DCDC1: variants seen among roughly 807,000 people sequenced by gnomAD.
The protein encoded by DCDC1 is doublecortin domain-containing protein 1.
Under a neutral mutation model 178.3 loss-of-function variants are expected in DCDC1, and 200 were observed. The ratio of observed to expected loss-of-function variants is 1.12; its 90% CI spans 1.00 to 1.26. DCDC1 has a LOEUF of 1.26. Ranked by LOEUF, DCDC1 falls within the 50% of genes most tolerant of loss-of-function variation. The probability of loss-of-function intolerance (pLI) is 0.00; values close to 1 mark genes in which losing one functional copy is unlikely to be tolerated. For synonymous variants in DCDC1, 690 were observed against 604.8 expected (o/e 1.14, Z -2.07); for missense variants, 1,983 against 1,749.2 (o/e 1.13, Z -2.38).
Position 31,031,715 on chromosome 11 carries a change from T to C in DCDC1, c.2591+32754A>G, listed in dbSNP as rs983511253. Among the ~76,000 whole-genome samples, 7 of 152,126 alleles carry C rather than the reference T, an allele frequency of 4.6e-5. No homozygotes were observed. The East Asian group carries it at 1.3e-3, about 29-fold the overall frequency. On this transcript the variant is annotated intron_variant, in intron 20 of 38. Coordinates refer to ENST00000684477, the MANE Select transcript of DCDC1 (RefSeq NM_001387274.1). Reference sequence around the variant, plus strand: ...CAGCAATATTGTGAAAATAATTTAATCATCACATTATTAGGTTCTTATGAA... The same window carrying C: ...CAGCAATATTGTGAAAATAATTTAACCATCACATTATTAGGTTCTTATGAA...
chr11:31,154,200 C>T (rs957141283), intron 9 of DCDC1, among the ~76,000 whole-genome samples: 1 of 152,184 alleles, frequency 6.6e-6, no homozygotes, highest in Non-Finnish European at 1.5e-5. Flanking sequence ...CCTCCCTGGC[C>T]ATGCTTCTTC....
At chr11:31,229,007 A>T (rs1486268037) in intron 9 of DCDC1, among the ~76,000 whole-genome samples, 1 of 152,094 alleles carries the variant, frequency 6.6e-6, no homozygotes, top group African/African-American at 2.4e-5. Context: ...TAGCCATATA[A>T]CAGACCTGTA....
chr11:30,919,165 C>T (rs1946064983), intron 25 of DCDC1, among the ~76,000 whole-genome samples: 1 of 151,936 alleles, frequency 6.6e-6, no homozygotes, highest in Non-Finnish European at 1.5e-5. Context: ...AAATAGATAA[C>T]CCTGTATATT....
At chr11:30,898,080 G>C (rs192915798) in intron 34 of DCDC1, among the ~76,000 whole-genome samples, 8 of 152,048 alleles carry the variant, frequency 5.3e-5, no homozygotes, top group Admixed American at 5.2e-4. Context: ...GGTATGTCTG[G>C]GGAGCTAAAA....
intron 20 of DCDC1, among the ~76,000 whole-genome samples, chr11:31,039,999 G>T (rs1417281703): frequency 6.6e-6 from 1 of 151,908 alleles, no homozygotes; most frequent in African/African-American, 2.4e-5. Context: ...CTCTTAAAAA[G>T]AAAAATTTAA....
rs1449041463 is a variant in DCDC1 at position 31,036,715 on chromosome 11, A to G, written c.2591+27754T>C. Among the ~76,000 whole-genome samples, 4 of 152,246 alleles carry G rather than the reference A, an allele frequency of 2.6e-5. No individual in the cohort carries two copies. In the East Asian group the frequency reaches 7.7e-4, roughly 29 times the overall value. On this transcript the variant is annotated intron_variant, in intron 20 of 38. Coordinates refer to ENST00000684477, the MANE Select transcript of DCDC1 (RefSeq NM_001387274.1). ...TTTTATATACAAAATAGTCCTAACTACATTTTGAATCAGAGGTTGGTTAAA... is the reference window on the plus strand; with the variant it reads ...TTTTATATACAAAATAGTCCTAACTGCATTTTGAATCAGAGGTTGGTTAAA...
rs1298468072 is a variant in DCDC1, at chr11:30,936,089, T to TC, written c.2716-4138dup. 2.6e-5 allele frequency among the ~76,000 whole-genome samples: 4 copies of TC among 152,198 alleles called. No individual in the cohort carries two copies. The East Asian group carries it at 5.8e-4, about 22-fold the overall frequency. On this transcript the variant is annotated intron_variant, in intron 21 of 38. Coordinates refer to ENST00000684477, the MANE Select transcript of DCDC1 (RefSeq NM_001387274.1). ...TTTCCAAGTCTTAATCAGCACCAAG[T>TC]CACCAGGCTGGAAGTGGTGAACCAT...
chr11:30,879,003 A>G (rs1353612140), intron 37 of DCDC1, among the ~76,000 whole-genome samples: 2 of 152,144 alleles, frequency 1.3e-5, no homozygotes, highest in African/African-American at 4.8e-5. Flanking sequence ...AAAGACAGAA[A>G]GCAGCAGTGA....
intron 20 of DCDC1, among the ~76,000 whole-genome samples, chr11:31,039,992 T>C (rs940575889): frequency 3.3e-5 from 5 of 152,068 alleles, no homozygotes; most frequent in African/African-American, 7.2e-5. Context: ...CAATAAACTC[T>C]TAAAAAGAAA....
intron 8 of DCDC1, among the ~76,000 whole-genome samples, chr11:31,254,697 T>C (rs903809277): frequency 1.3e-5 from 2 of 152,150 alleles, no homozygotes; most frequent in African/African-American, 4.8e-5. Context: ...TGTCTTGGAA[T>C]CAGCTGGCTG....
chr11:31,165,729 AT>A (rs1966727051), intron 9 of DCDC1, among the ~76,000 whole-genome samples: 2 of 152,204 alleles, frequency 1.3e-5, no homozygotes, highest in Non-Finnish European at 2.9e-5. Context: ...TATTAAGGGC[AT>A]TATCCCCTTG....
At chr11:30,922,471 A>T in intron 24 of DCDC1, 32 bp downstream of exon 24, 5 of 1,468,972 alleles carry the variant, frequency 3.4e-6, no homozygotes, top group Non-Finnish European at 4.5e-6. Context: ...ATTTTGGCTG[A>T]ATATATTAAG....
chr11:30,980,885 T>C (rs144099888), intron 20 of DCDC1, among the ~76,000 whole-genome samples: 5 of 152,276 alleles, frequency 3.3e-5, no homozygotes, highest in African/African-American at 1.2e-4. Flanking sequence ...GAAATCACTA[T>C]ATCAAAAAGA....
chr11:31,204,477 A>G (rs1471403180), intron 9 of DCDC1, among the ~76,000 whole-genome samples: 3 of 152,232 alleles, frequency 2.0e-5, no homozygotes, highest in African/African-American at 2.4e-5. Flanking sequence ...GGGAATTCCA[A>G]TATCACAATA....
intron 1 of DCDC1, among the ~76,000 whole-genome samples, chr11:31,360,713 T>C (rs10488734): frequency 0.29 from 43,708 of 151,992 alleles, 6,407 homozygotes; most frequent in African/African-American, 0.33. Flanking sequence ...TAGTGGTATG[T>C]TAGAAGTGGA....
intron 9 of DCDC1, among the ~76,000 whole-genome samples, chr11:31,192,438 A>G (rs551416908): frequency 6.6e-6 from 1 of 152,134 alleles, no homozygotes; most frequent in Non-Finnish European, 1.5e-5. Context: ...GTCAGTATTT[A>G]GAAGTCCCCA....
intron 2 of DCDC1, among the ~76,000 whole-genome samples, chr11:31,330,933 G>A (rs896434089): frequency 1.3e-5 from 2 of 152,192 alleles, no homozygotes; most frequent in African/African-American, 4.8e-5. Context: ...ATTCTGTGAA[G>A]TCATTGGTAG....
At chr11:31,138,134 T>A (rs1285489678) in intron 9 of DCDC1, among the ~76,000 whole-genome samples, 5 of 152,212 alleles carry the variant, frequency 3.3e-5, no homozygotes, top group Non-Finnish European at 7.3e-5. Flanking sequence ...ATTAAATCCT[T>A]TCATTATGCA....
chr11:31,220,364 AACAAAAATTACTTTTTGAATTTCC>A (rs1322966156), intron 9 of DCDC1, among the ~76,000 whole-genome samples: 1 of 152,204 alleles, frequency 6.6e-6, no homozygotes, highest in Admixed American at 6.6e-5. Flanking sequence ...CACCAAATTT[AACAAAAATTACTTTTTGAATTTCC>A]AAAAATTTAA....
Sources: gnomAD v4.1 joint callset for allele counts (sites outside exome capture counted in the v4.1 genomes callset) on GRCh38, gnomAD v4.1.1 for gene constraint, MANE v1.5 for transcripts, NCBI Gene and HGNC (gene_info 2026-07-23, HGNC 2026-07-21) for gene names.